Variants in IQCJ observed in about 807,000 individuals in gnomAD.
IQCJ encodes IQ domain-containing protein J.
IQCJ carries 9 observed loss-of-function variants against 11.0 expected under a neutral mutation model. The ratio of observed to expected loss-of-function variants is 0.82; its 90% CI spans 0.49 to 1.43. IQCJ has a LOEUF of 1.43. IQCJ is among the 40% of genes most tolerant of loss of function. The probability of loss-of-function intolerance (pLI) is 0.00; values close to 1 mark genes in which losing one functional copy is unlikely to be tolerated. For synonymous variants in IQCJ, 55 were observed against 51.3 expected, an observed-to-expected ratio of 1.07 and a Z score of -0.31; for missense variants, 146 against 133.2, an observed-to-expected ratio of 1.10 and a Z score of -0.47.
At chr3:159,136,242 C>T (rs147170670) in intron 1 of IQCJ, among the ~76,000 whole-genome samples, 504 of 152,220 alleles carry the variant, frequency 3.3e-3, no homozygotes, top group South Asian at 0.013. Context: ...ACAATATTAT[C>T]CCCATTTTAT....
At chr3:159,160,831 T>C (rs998288808) in intron 1 of IQCJ, among the ~76,000 whole-genome samples, 13 of 152,130 alleles carry the variant, frequency 8.5e-5, no homozygotes, top group African/African-American at 1.7e-4. Context: ...TGATTTCCAA[T>C]TTCATCCGTG....
At chr3:159,155,457 C>G (rs552694718) in intron 1 of IQCJ, among the ~76,000 whole-genome samples, 1 of 152,214 alleles carries the variant, frequency 6.6e-6, no homozygotes, top group Admixed American at 6.5e-5. Flanking sequence ...CATGCCTGGC[C>G]TCAGTCATTT....
intron 1 of IQCJ, among the ~76,000 whole-genome samples, chr3:159,091,674 GCACACACACA>G (rs1170628138): frequency 0.062 from 5,017 of 81,268 alleles, 121 homozygotes; most frequent in South Asian, 0.11. Context: ...ACACACGCAT[GCACACACACA>G]CACACACACA....
rs182045944 is a variant in IQCJ, at chr3:159,164,542, C to T, written c.10-81301C>T. Among the ~76,000 whole-genome samples the T allele has an allele frequency of 5.9e-5, 9 of 152,248 alleles. No individual in the cohort carries two copies. In the East Asian group the frequency reaches 1.5e-3, roughly 26 times the overall value. On this transcript the variant is annotated intron_variant, in intron 1 of 3. Coordinates refer to ENST00000397832, the MANE Select transcript of IQCJ (RefSeq NM_001042706.3). ...CAGCACTTTGTAAGGCCAAGGTGGG[C>T]GGATCACCTGAGGTCAGGAGTTCGA...
At chr3:159,212,179 A>C (rs77709446) in intron 1 of IQCJ, among the ~76,000 whole-genome samples, 4,949 of 152,046 alleles carry the variant, frequency 0.033, 250 homozygotes, top group African/African-American at 0.11. Context: ...GATAGGAACA[A>C]TTATCCCCCT....
chr3:159,089,991 G>A (rs1477472789), intron 1 of IQCJ, among the ~76,000 whole-genome samples: 6 of 151,792 alleles, frequency 4.0e-5, no homozygotes, highest in Admixed American at 3.3e-4. Flanking sequence ...AGGAGGAGAG[G>A]TGCTCTGCTT....
At chr3:159,094,422 C>CTTTTTTTTTTTTTTTTTTTTT (rs71302258) in intron 1 of IQCJ, among the ~76,000 whole-genome samples, 1 of 71,716 alleles carries the variant, frequency 1.4e-5, no homozygotes, top group Non-Finnish European at 2.5e-5. Context: ...ACAGGATCTG[C>CTTTTTTTTTTTTTTTTTTTTT]TTTTTTTTTT....
intron 3 of IQCJ, among the ~76,000 whole-genome samples, chr3:159,261,837 C>T (rs1277587499): frequency 9.0e-6 from 1 of 111,714 alleles, no homozygotes; most frequent in Non-Finnish European, 2.2e-5. Flanking sequence ...CCTGAAATAG[C>T]TGCCTAATGA....
At chr3:159,259,148 G>T (rs1728065228) in intron 3 of IQCJ, among the ~76,000 whole-genome samples, 1 of 152,112 alleles carries the variant, frequency 6.6e-6, no homozygotes, top group Non-Finnish European at 1.5e-5. Context: ...AAGTGGCTGT[G>T]AGTGCATGAC....
chr3:159,110,493 T>C (rs1718557106), intron 1 of IQCJ, among the ~76,000 whole-genome samples: 1 of 152,182 alleles, frequency 6.6e-6, no homozygotes, highest in African/African-American at 2.4e-5. Context: ...AGGAAGGCTT[T>C]CTTCATGTCC....
chr3:159,127,146 T>A (rs1400359641), intron 1 of IQCJ, among the ~76,000 whole-genome samples: 2 of 152,236 alleles, frequency 1.3e-5, no homozygotes, highest in African/African-American at 4.8e-5. Flanking sequence ...ATTTTGAAGG[T>A]TGATTGTTGG....
chr3:159,225,774 G>T (rs1193980536), intron 1 of IQCJ, among the ~76,000 whole-genome samples: 1 of 151,818 alleles, frequency 6.6e-6, no homozygotes, highest in Non-Finnish European at 1.5e-5. Context: ...CCTAGTGTTA[G>T]CAATAGATAC....
intron 1 of IQCJ, among the ~76,000 whole-genome samples, chr3:159,162,259 C>T (rs141807602): frequency 0.22 from 33,656 of 151,948 alleles, 4,548 homozygotes; most frequent in South Asian, 0.39. Flanking sequence ...CCCTTGTAAG[C>T]TGGATTCCTA....
intron 1 of IQCJ, among the ~76,000 whole-genome samples, chr3:159,127,398 G>A (rs1414064085): frequency 6.6e-6 from 1 of 152,160 alleles, no homozygotes; most frequent in Non-Finnish European, 1.5e-5. Flanking sequence ...ACCCCTGTAT[G>A]TTGTATTTGA....
intron 3 of IQCJ, among the ~76,000 whole-genome samples, chr3:159,258,367 G>C (rs761190068): frequency 6.6e-6 from 1 of 152,148 alleles, no homozygotes; most frequent in East Asian, 1.9e-4. Context: ...TAGTCAGCCC[G>C]GGGGAATGGA....
At chr3:159,170,831 C>A (rs967450031) in intron 1 of IQCJ, among the ~76,000 whole-genome samples, 1 of 152,056 alleles carries the variant, frequency 6.6e-6, no homozygotes, top group Non-Finnish European at 1.5e-5. Context: ...TTTCTCATAG[C>A]CCAAGTTAAA....
In IQCJ at chr3:159,154,246, C is replaced by G. The variant is rs149957826; in HGVS notation, c.9+84805C>G. Among the ~76,000 whole-genome samples, 4 of 152,098 alleles carry G rather than the reference C, an allele frequency of 2.6e-5. No homozygotes were observed. In the East Asian group the frequency reaches 7.7e-4, roughly 29 times the overall value. ...AATTTTTTTTACATTAGTTTTTGCTCCACTTTAAAGAAATCCAAATTGGAA... is the reference window on the plus strand; with the variant it reads ...AATTTTTTTTACATTAGTTTTTGCTGCACTTTAAAGAAATCCAAATTGGAA... On this transcript the variant is annotated intron_variant, in intron 1 of 3. Transcript: ENST00000397832.
intron 1 of IQCJ, among the ~76,000 whole-genome samples, chr3:159,119,106 A>G (rs752363839): frequency 5.1e-4 from 78 of 152,332 alleles, no homozygotes; most frequent in Non-Finnish European, 1.5e-4. Flanking sequence ...AGGGCTTTCC[A>G]TGGGAGCCCA....
At chr3:159,216,243 GC>G (rs1264320517) in intron 1 of IQCJ, among the ~76,000 whole-genome samples, 2 of 152,238 alleles carry the variant, frequency 1.3e-5, no homozygotes, top group African/African-American at 4.8e-5. Context: ...TAGGTGAATA[GC>G]AAATGAGAGA....
Sources: gnomAD v4.1 joint callset for allele counts (sites outside exome capture counted in the v4.1 genomes callset) on GRCh38, gnomAD v4.1.1 for gene constraint, MANE v1.5 for transcripts, NCBI Gene and HGNC (gene_info 2026-07-23, HGNC 2026-07-21) for gene names.